FCRL4: variants seen among roughly 807,000 people sequenced by gnomAD.
FCRL4 encodes Fc receptor like 4, also known as Fc receptor-like protein 4.
Under a neutral mutation model 64.1 loss-of-function variants are expected in FCRL4, and 43 were observed. The observed-to-expected ratio is 0.67, with a 90% CI of 0.53 to 0.87. The LOEUF (loss-of-function observed/expected upper bound fraction) is 0.87. FCRL4 is among the 40% of genes least tolerant of loss of function. The pLI is 0.00. For missense variants in FCRL4, 656 were observed against 613.5 expected (o/e 1.07, Z -0.73); for synonymous variants, 253 against 239.8 (o/e 1.05, Z -0.51).
intron 2 of FCRL4, among the ~76,000 whole-genome samples, chr1:157,595,728 G>A (rs1472277215): frequency 6.6e-6 from 1 of 152,230 alleles, no homozygotes; most frequent in Non-Finnish European, 1.5e-5. Context: ...TGCACCTCAA[G>A]GGGGCCAAGG....
chr1:157,585,682 G>C (rs973241439), intron 6 of FCRL4, among the ~76,000 whole-genome samples: 1 of 152,046 alleles, frequency 6.6e-6, no homozygotes, highest in African/African-American at 2.4e-5. Flanking sequence ...CATACAATTT[G>C]GCTGCTGAGA....
chr1:157,574,029 G>A lies in FCRL4; in HGVS notation c.*1495C>T, dbSNP rs1652346464. 9.6e-6 allele frequency: 2 copies of A among 207,634 alleles called. No individual in the cohort carries two copies. Among genetic ancestry groups the A allele is most frequent in the Non-Finnish European group, 2.0e-5 (2 of 102,076 alleles). The allele number at this position is 207,634 out of a possible 1,614,324, so 12.9% of individuals were successfully genotyped here. On this transcript the variant is annotated 3_prime_UTR_variant, in exon 12 of 12. Transcript: ENST00000271532. ...TATTTTTCTTTTTCTCTTTTTTTGG[G>A]GGTGATACATGTGACAAATTCATAC...
At position 157,573,980 on chromosome 1, in the gene FCRL4, G is replaced by A. The variant is rs147627660; in HGVS notation, c.*1544C>T. 1.7e-3 allele frequency: 338 copies of A among 200,326 alleles called. 1 individual carries two copies. Among genetic ancestry groups the A allele is most frequent in the African/African-American group, 7.4e-3 (321 of 43,540 alleles). The allele number at this position is 200,326 out of a possible 1,614,324, so 12.4% of individuals were successfully genotyped here. ...ACATTCCTTTTGGTCGACATGTCTC[G>A]TCTCATTTAATTTATATGTCTTCTA... is the stretch of plus-strand genomic sequence containing the variant. On this transcript the variant is annotated 3_prime_UTR_variant, in exon 12 of 12. Coordinates refer to ENST00000271532, the MANE Select transcript of FCRL4 (RefSeq NM_031282.3).
rs994295539 is a variant in FCRL4, at chr1:157,573,948, G to A, written c.*1576C>T. 5.1e-6 allele frequency: 1 copy of A among 197,594 alleles called. No individual in the cohort carries two copies. Among genetic ancestry groups the A allele is most frequent in the African/African-American group, 2.3e-5 (1 of 43,316 alleles). 12.2% of individuals were successfully genotyped at this position (197,594 alleles called of 1,614,324 possible). On this transcript the variant is annotated 3_prime_UTR_variant, in exon 12 of 12. Coordinates refer to ENST00000271532, the MANE Select transcript of FCRL4 (RefSeq NM_031282.3). ...TTAATTTGAGTCAGGATCCAAACAA[G>A]ACCCACACATTCCTTTTGGTCGACA... is the stretch of plus-strand genomic sequence containing the variant.
chr1:157,578,869 C>A lies in FCRL4; in HGVS notation c.1278-17G>T. 6.3e-7 allele frequency: 1 copy of A among 1,598,210 alleles called. No individual in the cohort carries two copies. Among genetic ancestry groups the A allele is most frequent in the Non-Finnish European group, 8.6e-7 (1 of 1,168,922 alleles). ...GGAGGGAGCCTGTGAGACACAGAAA[C>A]ACATAATAATCCCTGGAACACTGTA... is the stretch of plus-strand genomic sequence containing the variant. On this transcript the variant is annotated splice_polypyrimidine_tract_variant and intron_variant, in intron 8 of 11. Transcript: ENST00000271532.
intron 6 of FCRL4, among the ~76,000 whole-genome samples, chr1:157,582,842 G>A (rs1474920731): frequency 6.6e-6 from 1 of 152,156 alleles, no homozygotes; most frequent in Non-Finnish European, 1.5e-5. Context: ...GAAATCTAAG[G>A]ACAGAGAGGC....
chr1:157,592,718 A>C (rs1200193700), intron 2 of FCRL4, among the ~76,000 whole-genome samples: 2 of 152,184 alleles, frequency 1.3e-5, no homozygotes, highest in African/African-American at 4.8e-5. Flanking sequence ...CCATTTGACC[A>C]AGCCATCCCA....
At chr1:157,596,581 A>G (rs144371659) in intron 1 of FCRL4, among the ~76,000 whole-genome samples, 1 of 152,310 alleles carries the variant, frequency 6.6e-6, no homozygotes, top group Non-Finnish European at 1.5e-5. Context: ...TGAACTTTCA[A>G]GTCTCAGTTT....
chr1:157,587,891 G>T lies in FCRL4; in HGVS notation c.536C>A (p.Ser179Ter). The T allele has an allele frequency of 6.2e-7, 1 of 1,607,614 alleles. No individual in the cohort carries two copies. Among genetic ancestry groups the T allele is most frequent in the South Asian group, 1.1e-5 (1 of 90,434 alleles). The change falls in exon 4 of 12, where the codon TCA (serine) becomes TAA (stop). Residue 179 changes from serine to a stop codon, truncating the protein, a stop_gained. Coordinates refer to ENST00000271532, the MANE Select transcript of FCRL4 (RefSeq NM_031282.3). LOFTEE classifies it high-confidence loss of function. Reference sequence around the variant, plus strand: ...TTGAATTTTAATTATTTTGAAATTTGATCTAAATACATCATTCTCGTCTCC... The same window carrying T: ...TTGAATTTTAATTATTTTGAAATTTTATCTAAATACATCATTCTCGTCTCC... ...GYGDENDVFR[S>*]NFKIIKIQEL...
At chr1:157,582,294 T>C (rs1652578712) in intron 6 of FCRL4, among the ~76,000 whole-genome samples, 1 of 152,200 alleles carries the variant, frequency 6.6e-6, no homozygotes, top group African/African-American at 2.4e-5. Flanking sequence ...ACAACAAATA[T>C]TTACTGAGGC....
intron 7 of FCRL4, 32 bp downstream of exon 7, chr1:157,581,499 G>A: frequency 1.3e-6 from 2 of 1,578,772 alleles, no homozygotes; most frequent in East Asian, 2.2e-5. Context: ...AAGGAACAGG[G>A]CAGGAACTGT....
At chr1:157,585,349 T>A (rs138652706) in intron 6 of FCRL4, among the ~76,000 whole-genome samples, 1 of 27,724 alleles carries the variant, frequency 3.6e-5, no homozygotes, top group African/African-American at 1.3e-4. Context: ...TCTCTCTCTT[T>A]CTTTCTTTCT....
At position 157,597,908 on chromosome 1, in the gene FCRL4, A is replaced by G. The variant is rs1314319476; in HGVS notation, c.31+6T>C. 1 of 1,612,810 alleles carries G rather than the reference A, an allele frequency of 6.2e-7. No individual in the cohort carries two copies. The highest frequency in any genetic ancestry group is 1.3e-5 in the African/African-American group (1 of 74,890). ...AGCAAGCAAAGGTCTCCTCCCCATC[A>G]CTTACCAAAGGCCAGCAAGGACGCC... On this transcript the variant is annotated splice_donor_region_variant and intron_variant, in intron 1 of 11. Transcript: ENST00000271532.
At position 157,581,572 on chromosome 1, in the gene FCRL4, G is replaced by T; in HGVS notation, c.1208C>A (p.Ala403Asp). 6.2e-7 allele frequency: 1 copy of T among 1,614,104 alleles called. No individual in the cohort carries two copies. Among genetic ancestry groups the T allele is most frequent in the Non-Finnish European group, 8.5e-7 (1 of 1,179,996 alleles). Reference protein sequence around the residue: ...TGGLLSALLLAVALLFHCWRR... With the variant: ...TGGLLSALLLDVALLFHCWRR... ...CCAGCAGTGAAACAGCAGGGCCACA[G>T]CCAGGAGAAGAGCACTGAGCAGCCC... Residue 403 changes from alanine to aspartate, a missense_variant, in exon 7 of 12, where the codon GCT (alanine) becomes GAT (aspartate). Physicochemically the swap from Ala to Asp is moderately radical, Grantham distance 126. Coordinates refer to ENST00000271532, the MANE Select transcript of FCRL4 (RefSeq NM_031282.3).
chr1:157,583,905 T>C (rs896461972), intron 6 of FCRL4, among the ~76,000 whole-genome samples: 1 of 152,188 alleles, frequency 6.6e-6, no homozygotes, highest in African/African-American at 2.4e-5. Context: ...CATCACTGGA[T>C]CCTTGACGTT....
At chr1:157,589,616 C>T (rs1476211936) in intron 2 of FCRL4, among the ~76,000 whole-genome samples, 158 bp from the exon 3 acceptor site, 1 of 152,188 alleles carries the variant, frequency 6.6e-6, no homozygotes, top group Admixed American at 6.5e-5. Flanking sequence ...GTGCTCACCT[C>T]CTGCAGGGTG....
chr1:157,580,569 G>C (rs1652538404), intron 7 of FCRL4: 7 of 533,392 alleles, frequency 1.3e-5, no homozygotes. Context: ...GTAATTGTCT[G>C]AGAATTTATT....
chr1:157,586,056 T>G lies in FCRL4; in HGVS notation c.1135+112A>C, dbSNP rs1652682045. On this transcript the variant is annotated intron_variant, in intron 6 of 11. Transcript: ENST00000271532. Reference sequence around the variant, plus strand: ...AGAAATTGTTTATCACAGTGGAGCATGGCAAAATGGAAACAGAAACAGCAG... The same window carrying G: ...AGAAATTGTTTATCACAGTGGAGCAGGGCAAAATGGAAACAGAAACAGCAG... The G allele has an allele frequency of 3.6e-6, 4 of 1,117,162 alleles. No homozygotes were observed. In the South Asian group the frequency reaches 6.1e-5, roughly 17 times the overall value. The allele number at this position is 1,117,162 out of a possible 1,614,324, so 69.2% of individuals were successfully genotyped here. A position where few individuals can be genotyped will look rare whatever the true frequency, so the allele number is the denominator to read the frequency against.
At chr1:157,579,222 TG>T (rs1435947225) in intron 8 of FCRL4, among the ~76,000 whole-genome samples, 13 of 152,236 alleles carry the variant, frequency 8.5e-5, no homozygotes, top group Non-Finnish European at 1.5e-4. Flanking sequence ...AAAATAAAGT[TG>T]GCCAGGCATG....
Sources: gnomAD v4.1 joint callset for allele counts (sites outside exome capture counted in the v4.1 genomes callset) on GRCh38, gnomAD v4.1.1 for gene constraint, MANE v1.5 for transcripts, NCBI Gene and HGNC (gene_info 2026-07-23, HGNC 2026-07-21) for gene names.